The following TRANK1 variants were observed in gnomAD, a reference collection of about 807,000 sequenced individuals.
The protein encoded by TRANK1 is TPR and ankyrin repeat-containing protein 1.
TRANK1 carries 198 observed loss-of-function variants against 266.0 expected under a neutral mutation model. The ratio of observed to expected loss-of-function variants is 0.74; its 90% CI spans 0.66 to 0.84. The LOEUF (loss-of-function observed/expected upper bound fraction) is 0.84, where lower values mean the gene tolerates loss of function less well. TRANK1 is among the 40% of genes least tolerant of loss of function. The pLI, the probability that TRANK1 is intolerant of heterozygous loss-of-function variation, is 0.00. For synonymous variants in TRANK1, 1,396 were observed against 1,384.1 expected (o/e 1.01, Z -0.19); for missense variants, 3,326 against 3,634.6 (o/e 0.92, Z 2.18).
At chr3:36,847,148 T>C in intron 16 of TRANK1, 52 bp downstream of exon 16, 1 of 1,558,492 alleles carries the variant, frequency 6.4e-7, no homozygotes, top group Non-Finnish European at 8.7e-7. Context: ...TTCCAAGCCT[T>C]TTTCACTACT....
intron 1 of TRANK1, among the ~76,000 whole-genome samples, chr3:36,917,139 C>A (rs1320517426): frequency 6.6e-6 from 1 of 152,014 alleles, no homozygotes; most frequent in Non-Finnish European, 1.5e-5. Context: ...ATTGGATTTT[C>A]TTTTATACAA....
chr3:36,867,246 A>C (rs1372527162), intron 9 of TRANK1, among the ~76,000 whole-genome samples: 1 of 152,198 alleles, frequency 6.6e-6, no homozygotes, highest in Non-Finnish European at 1.5e-5. Context: ...CTTCACTATC[A>C]AGCTGATGGA....
Position 36,855,355 on chromosome 3 carries a change from T to C in TRANK1, c.4367A>G (p.Asp1456Gly). ...ELALLMKCIN[D>G]PNSMFLTGDT... Reference sequence around the variant, plus strand: ...CCCCGTGAGGAACATAGAGTTGGGGTCATTGATGCATTTCATCAGCAGCGC... The same window carrying C: ...CCCCGTGAGGAACATAGAGTTGGGGCCATTGATGCATTTCATCAGCAGCGC... The change falls in exon 13 of 24, where the codon GAC becomes GGC. Residue 1456 changes from aspartate to glycine, a missense_variant. Coordinates refer to ENST00000645898, the MANE Select transcript of TRANK1 (RefSeq NM_001329998.2). 1 of 1,613,896 alleles carries C rather than the reference T, an allele frequency of 6.2e-7. No individual in the cohort carries two copies. The highest frequency in any genetic ancestry group is 8.5e-7 in the Non-Finnish European group (1 of 1,179,832).
intron 17 of TRANK1, among the ~76,000 whole-genome samples, chr3:36,845,764 T>C (rs1419103028): frequency 6.6e-6 from 1 of 152,212 alleles, no homozygotes. Context: ...AGCCTTTCCC[T>C]CATTGGTGGA....
intron 8 of TRANK1, among the ~76,000 whole-genome samples, chr3:36,879,798 A>ATATACAAATATATGTAAG (rs2079470629): frequency 9.2e-6 from 1 of 108,648 alleles, no homozygotes; most frequent in Admixed American, 9.8e-5. Flanking sequence ...AAATATATAA[A>ATATACAAATATATGTAAG]TATACAAATA....
At chr3:36,912,682 T>C (rs562844141) in intron 1 of TRANK1, among the ~76,000 whole-genome samples, 1 of 152,136 alleles carries the variant, frequency 6.6e-6, no homozygotes, top group African/African-American at 2.4e-5. Flanking sequence ...ATCCAGGTGG[T>C]TGTGGGTTTT....
intron 2 of TRANK1, 28 bp from the exon 3 acceptor site, chr3:36,903,303 T>C (rs2079911943): frequency 6.5e-7 from 1 of 1,532,522 alleles, no homozygotes; most frequent in South Asian, 1.2e-5. Flanking sequence ...TGGTCTGTCA[T>C]GGTTCTGCAA....
chr3:36,828,329 A>G lies in TRANK1; in HGVS notation c.8856T>C (p.Gly2952=). The G allele has an allele frequency of 6.2e-7, 1 of 1,612,714 alleles. No individual in the cohort carries two copies. The highest frequency in any genetic ancestry group is 8.5e-7 in the Non-Finnish European group (1 of 1,179,472). The change falls in exon 24 of 24, where the codon GGT becomes GGC. Residue 2952 remains glycine, a synonymous_variant. Coordinates refer to ENST00000645898, the MANE Select transcript of TRANK1 (RefSeq NM_001329998.2). ...GAGAACGCCTTCTAGGCCGAAGCTC[A>G]CCAAAGTCTTCAACTTCATTTTCAT... ...DDYENEVEDF[G]ELRPRRRSRK... is the part of the protein sequence containing the mutation.
At chr3:36,925,716 G>C (rs1454737488) in intron 1 of TRANK1, among the ~76,000 whole-genome samples, 1 of 151,350 alleles carries the variant, frequency 6.6e-6, no homozygotes, top group Non-Finnish European at 1.5e-5. Context: ...TCAGCCTCCC[G>C]AGTAGCTGGG....
intron 3 of TRANK1, among the ~76,000 whole-genome samples, chr3:36,900,497 C>A (rs534521886): frequency 6.6e-6 from 1 of 152,150 alleles, no homozygotes; most frequent in South Asian, 2.1e-4. Flanking sequence ...TAATATGACT[C>A]TTGAATGGGA....
At chr3:36,918,586 GGAAGGAAGGAAGGAAGGAAGGAAAGAAA>G (rs2080167469) in intron 1 of TRANK1, among the ~76,000 whole-genome samples, 2 of 76,276 alleles carry the variant, frequency 2.6e-5, no homozygotes, top group Admixed American at 1.7e-4. Context: ...AAGGAAGGAA[GGAAGGAAGGAAGGAAGGAAGGAAAGAAA>G]GAAAGAAAGA....
intron 1 of TRANK1, among the ~76,000 whole-genome samples, chr3:36,933,613 A>G (rs527546172): frequency 6.6e-6 from 1 of 152,322 alleles, no homozygotes; most frequent in South Asian, 2.1e-4. Flanking sequence ...GTGGGCAGGA[A>G]AGACAGGCCT....
intron 1 of TRANK1, among the ~76,000 whole-genome samples, chr3:36,936,992 C>T (rs185270988): frequency 3.3e-5 from 5 of 152,236 alleles, no homozygotes; most frequent in Admixed American, 2.6e-4. Context: ...CACAGCTACT[C>T]TGGAGGCTGA....
chr3:36,855,373 A>T lies in TRANK1; in HGVS notation c.4349T>A (p.Leu1450Gln), dbSNP rs1262370436. ...GTTGGGGTCATTGATGCATTTCATC[A>T]GCAGCGCCAGCTCGGCCTGGGTAAA... ...QDFTQAELAL[L>Q]MKCINDPNSM... The change falls in exon 13 of 24, where the codon CTG becomes CAG. Residue 1450 changes from leucine to glutamine, a missense_variant. Coordinates refer to ENST00000645898, the MANE Select transcript of TRANK1 (RefSeq NM_001329998.2). The T allele has an allele frequency of 6.2e-7, 1 of 1,614,062 alleles. No individual in the cohort carries two copies. The highest frequency in any genetic ancestry group is 8.5e-7 in the Non-Finnish European group (1 of 1,179,884).
intron 1 of TRANK1, among the ~76,000 whole-genome samples, chr3:36,937,658 A>T (rs1281184445): frequency 3.3e-5 from 5 of 152,246 alleles, no homozygotes; most frequent in Non-Finnish European, 7.3e-5. Context: ...TCTCAAGACA[A>T]ATGATTTAGT....
At chr3:36,897,781 T>G (rs963930513) in intron 4 of TRANK1, among the ~76,000 whole-genome samples, 2 of 152,250 alleles carry the variant, frequency 1.3e-5, no homozygotes, top group African/African-American at 4.8e-5. Flanking sequence ...GCAACTTAAA[T>G]TTGATCAAAC....
At chr3:36,849,958 T>C (rs1044505533) in intron 15 of TRANK1, 12 of 929,818 alleles carry the variant, frequency 1.3e-5, no homozygotes, top group African/African-American at 3.6e-5. Flanking sequence ...CCCTGAGCCA[T>C]TGGTGGGAGC....
rs777129044 is a variant in TRANK1 at position 36,895,681 on chromosome 3, G to A, written c.511C>T (p.Gln171Ter). The A allele has an allele frequency of 3.1e-5, 48 of 1,536,226 alleles. No individual in the cohort carries two copies. The highest frequency in any genetic ancestry group is 4.0e-5 in the Non-Finnish European group (46 of 1,146,652). ...TTTGCCAACTTTTCTATTACAGATT[G>A]CCACACTTCTGTTGGGAATCCAGTT... ...FTTGFPTEVW[Q>*]SVIEKLAKKG... is the part of the protein sequence containing the mutation. The change falls in exon 5 of 24, where the codon CAA becomes TAA. Residue 171 changes from glutamine to a stop codon, truncating the protein, a stop_gained. Coordinates refer to ENST00000645898, the MANE Select transcript of TRANK1 (RefSeq NM_001329998.2). LOFTEE classifies it high-confidence loss of function.
At chr3:36,854,520 T>C (rs1250700492) in intron 13 of TRANK1, among the ~76,000 whole-genome samples, 2 of 152,218 alleles carry the variant, frequency 1.3e-5, no homozygotes, top group Admixed American at 6.5e-5. Flanking sequence ...CCAAAGGAGA[T>C]AAATTTGTTA....
Sources: gnomAD v4.1 joint callset for allele counts (sites outside exome capture counted in the v4.1 genomes callset) on GRCh38, gnomAD v4.1.1 for gene constraint, MANE v1.5 for transcripts, NCBI Gene and HGNC (gene_info 2026-07-23, HGNC 2026-07-21) for gene names.